Variants in ZNF804B observed in about 807,000 individuals in gnomAD.
ZNF804B encodes zinc finger protein 804B, also known as zinc finger 804B.
In ZNF804B, 80 loss-of-function variants were observed where a neutral mutation model predicts 101.4. That is an observed-to-expected ratio of 0.79 (90% CI 0.66 to 0.95). The LOEUF (loss-of-function observed/expected upper bound fraction) is 0.95, where lower values mean the gene tolerates loss of function less well. Among genes scored for constraint, ZNF804B ranks in the 40% least tolerant of loss-of-function variants. The pLI, the probability that ZNF804B is intolerant of heterozygous loss-of-function variation, is 0.00. For missense variants in ZNF804B, 1,673 were observed against 1,561.9 expected (o/e 1.07, Z -1.20); for synonymous variants, 622 against 558.8 (o/e 1.11, Z -1.59).
chr7:88,931,502 C>T (rs1043699095), intron 1 of ZNF804B, among the ~76,000 whole-genome samples: 9 of 151,870 alleles, frequency 5.9e-5, no homozygotes, highest in African/African-American at 2.2e-4. Context: ...TTTTATGAAT[C>T]TTTAAATACT....
chr7:88,908,849 G>A (rs1019782805), intron 1 of ZNF804B, among the ~76,000 whole-genome samples: 3 of 151,698 alleles, frequency 2.0e-5, no homozygotes, highest in African/African-American at 4.8e-5. Flanking sequence ...TTGATTAGAT[G>A]CAAGTTTGCT....
At position 89,240,344 on chromosome 7, in the gene ZNF804B, C is replaced by T. The variant is rs185439815; in HGVS notation, c.249+22049C>T. 3.6e-3 allele frequency among the ~76,000 whole-genome samples: 548 copies of T among 152,106 alleles called. 7 individuals carry two copies. Among genetic ancestry groups the T allele is most frequent in the African/African-American group, 0.012 (512 of 41,510 alleles). On this transcript the variant is annotated intron_variant, in intron 2 of 3. Coordinates refer to ENST00000333190, the MANE Select transcript of ZNF804B (RefSeq NM_181646.5). ...AGAAAGGCTATGTCTATCAGATTCC[C>T]TTTTGGTTATGTGAGCTTTGCGTGG...
chr7:88,892,746 TA>T (rs1269639276), intron 1 of ZNF804B, among the ~76,000 whole-genome samples: 2 of 152,190 alleles, frequency 1.3e-5, no homozygotes, highest in South Asian at 4.1e-4. Context: ...TTAAACTTTG[TA>T]CCTTTCATCT....
chr7:88,983,982 G>C (rs1793726009), intron 1 of ZNF804B, among the ~76,000 whole-genome samples: 1 of 151,896 alleles, frequency 6.6e-6, no homozygotes, highest in Admixed American at 6.6e-5. Context: ...ATAATATTTT[G>C]GATAATCTTC....
At chr7:88,955,665 A>C (rs1288556594) in intron 1 of ZNF804B, among the ~76,000 whole-genome samples, 1 of 151,720 alleles carries the variant, frequency 6.6e-6, no homozygotes, top group African/African-American at 2.4e-5. Context: ...AATACTAGGG[A>C]AACAGTCCAG....
chr7:88,788,029 G>A (rs765550309), intron 1 of ZNF804B, among the ~76,000 whole-genome samples: 27 of 152,092 alleles, frequency 1.8e-4, no homozygotes, highest in African/African-American at 2.4e-4. Flanking sequence ...CTTAGCAGCC[G>A]TTTGGAGAGT....
At chr7:89,031,199 A>ATG (rs34754545) in intron 1 of ZNF804B, among the ~76,000 whole-genome samples, 13 of 149,732 alleles carry the variant, frequency 8.7e-5, no homozygotes, top group African/African-American at 2.0e-4. Flanking sequence ...ATATATATAT[A>ATG]TGTGTGTGTG....
intron 1 of ZNF804B, among the ~76,000 whole-genome samples, chr7:89,204,490 G>T (rs1213266395): frequency 6.6e-6 from 1 of 152,084 alleles, no homozygotes; most frequent in Non-Finnish European, 1.5e-5. Flanking sequence ...CAATCATAAA[G>T]ATTTTACCCT....
intron 2 of ZNF804B, among the ~76,000 whole-genome samples, chr7:89,245,444 A>T (rs1178215470): frequency 6.6e-6 from 1 of 152,128 alleles, no homozygotes; most frequent in East Asian, 1.9e-4. Context: ...AAAATGTAAA[A>T]ATTATAGCCG....
chr7:89,212,387 A>G (rs1248205153), intron 1 of ZNF804B, among the ~76,000 whole-genome samples: 2 of 152,144 alleles, frequency 1.3e-5, no homozygotes, highest in Non-Finnish European at 1.5e-5. Flanking sequence ...CTGTAACAAA[A>G]GACAAATTAA....
intron 1 of ZNF804B, among the ~76,000 whole-genome samples, chr7:88,774,149 C>T (rs1311749442): frequency 6.6e-6 from 1 of 150,540 alleles, no homozygotes; most frequent in Non-Finnish European, 1.5e-5. Flanking sequence ...TAGATCTATA[C>T]AATTCTAAAT....
At chr7:89,307,001 C>G (rs947097316) in intron 2 of ZNF804B, among the ~76,000 whole-genome samples, 10 of 151,958 alleles carry the variant, frequency 6.6e-5, no homozygotes, top group Non-Finnish European at 1.3e-4. Flanking sequence ...TCTAAAAGGA[C>G]TGCATGCATC....
chr7:89,161,232 A>G (rs955569155), intron 1 of ZNF804B, among the ~76,000 whole-genome samples: 3 of 151,960 alleles, frequency 2.0e-5, no homozygotes, highest in African/African-American at 7.2e-5. Flanking sequence ...TTCTGAAGTA[A>G]AGCAGTCTCT....
At chr7:89,282,178 G>A (rs1010829064) in intron 2 of ZNF804B, among the ~76,000 whole-genome samples, 1 of 140,922 alleles carries the variant, frequency 7.1e-6, no homozygotes, top group African/African-American at 2.7e-5. Flanking sequence ...TCCAGCCTGG[G>A]CGACAGAGCG....
chr7:88,934,266 A>G (rs1005434360), intron 1 of ZNF804B, among the ~76,000 whole-genome samples: 2 of 152,050 alleles, frequency 1.3e-5, no homozygotes, highest in South Asian at 2.1e-4. Flanking sequence ...AATCAGCTCA[A>G]TATGGATCAA....
chr7:89,169,903 A>G (rs1791199635), intron 1 of ZNF804B, among the ~76,000 whole-genome samples: 1 of 152,174 alleles, frequency 6.6e-6, no homozygotes, highest in South Asian at 2.1e-4. Context: ...TCTAGATACT[A>G]TGGTTTACAG....
chr7:89,120,969 C>A (rs1790395737), intron 1 of ZNF804B, among the ~76,000 whole-genome samples: 1 of 152,174 alleles, frequency 6.6e-6, no homozygotes. Flanking sequence ...TTCTGTGACA[C>A]CTACTGTCCA....
At chr7:88,940,781 A>AATAATAATG (rs1339772960) in intron 1 of ZNF804B, among the ~76,000 whole-genome samples, 2 of 144,700 alleles carry the variant, frequency 1.4e-5, no homozygotes, top group African/African-American at 5.1e-5. Context: ...TAATAATAAT[A>AATAATAATG]ATAATAATAA....
chr7:88,920,299 A>G (rs760617726), intron 1 of ZNF804B, among the ~76,000 whole-genome samples: 1 of 152,066 alleles, frequency 6.6e-6, no homozygotes, highest in Non-Finnish European at 1.5e-5. Flanking sequence ...CTGGAATCAC[A>G]TTAGAGACCA....
Sources: gnomAD v4.1 joint callset for allele counts (sites outside exome capture counted in the v4.1 genomes callset) on GRCh38, gnomAD v4.1.1 for gene constraint, MANE v1.5 for transcripts, NCBI Gene and HGNC (gene_info 2026-07-23, HGNC 2026-07-21) for gene names.